FAM20B: variants seen among roughly 807,000 people sequenced by gnomAD.
FAM20B encodes glycosaminoglycan xylosylkinase.
A neutral mutation model predicts 43.8 loss-of-function variants in FAM20B; 23 were observed. That is an observed-to-expected ratio of 0.53 (90% CI 0.38 to 0.74). The LOEUF is 0.74. FAM20B is among the 30% of genes least tolerant of loss of function. The probability of loss-of-function intolerance (pLI) is 0.00; values close to 1 mark genes in which losing one functional copy is unlikely to be tolerated. For missense variants in FAM20B, 440 were observed against 510.5 expected (o/e 0.86, Z 1.33); for synonymous variants, 178 against 192.4 (o/e 0.93, Z 0.62).
At chr1:179,048,604 C>T (rs980109725) in intron 2 of FAM20B, among the ~76,000 whole-genome samples, 4 of 152,152 alleles carry the variant, frequency 2.6e-5, no homozygotes, top group African/African-American at 7.2e-5. Flanking sequence ...TAGAACAGTA[C>T]CTGAATAGTG....
intron 1 of FAM20B, among the ~76,000 whole-genome samples, chr1:179,036,035 C>T (rs2102487446): frequency 6.6e-6 from 1 of 152,260 alleles, no homozygotes; most frequent in Admixed American, 6.5e-5. Flanking sequence ...GAGGCTGAGG[C>T]AGGACAATCG....
intron 7 of FAM20B, among the ~76,000 whole-genome samples, chr1:179,069,442 C>G (rs377287654): frequency 6.6e-6 from 1 of 152,184 alleles, no homozygotes; most frequent in East Asian, 1.9e-4. Context: ...ACGATCTCGG[C>G]TCACTGCAAC....
intron 1 of FAM20B, among the ~76,000 whole-genome samples, chr1:179,039,885 C>T (rs894856227): frequency 3.9e-5 from 6 of 152,148 alleles, no homozygotes; most frequent in African/African-American, 2.4e-5. Flanking sequence ...TGCGGCCTTC[C>T]GCAGTGTTTG....
At chr1:179,071,200 G>T (rs1651909336) in intron 7 of FAM20B, among the ~76,000 whole-genome samples, 1 of 151,960 alleles carries the variant, frequency 6.6e-6, no homozygotes, top group African/African-American at 2.4e-5. Context: ...GGAGGCTGAG[G>T]CAGGAGAATG....
chr1:179,059,466 CTCA>C (rs773346047), intron 4 of FAM20B, among the ~76,000 whole-genome samples: 2 of 152,096 alleles, frequency 1.3e-5, no homozygotes, highest in Non-Finnish European at 2.9e-5. Flanking sequence ...GTCTTGCAAT[CTCA>C]TCATTAAACT....
At chr1:179,038,162 A>T (rs1432476976) in intron 1 of FAM20B, among the ~76,000 whole-genome samples, 1 of 152,068 alleles carries the variant, frequency 6.6e-6, no homozygotes, top group East Asian at 1.9e-4. Context: ...TAATCCCAGC[A>T]CTTTGGGAGG....
intron 3 of FAM20B, among the ~76,000 whole-genome samples, chr1:179,052,571 T>C (rs1195991682): frequency 6.6e-6 from 1 of 152,238 alleles, no homozygotes; most frequent in Non-Finnish European, 1.5e-5. Flanking sequence ...AAGACATTTC[T>C]AGGAACTACC....
At chr1:179,051,258 T>G (rs1650995277) in intron 3 of FAM20B, among the ~76,000 whole-genome samples, 1 of 152,166 alleles carries the variant, frequency 6.6e-6, no homozygotes, top group African/African-American at 2.4e-5. Flanking sequence ...TCCCAGTTAC[T>G]CTGCTGACCA....
intron 4 of FAM20B, among the ~76,000 whole-genome samples, chr1:179,055,991 G>A (rs1021254479): frequency 6.6e-6 from 1 of 152,176 alleles, no homozygotes; most frequent in Admixed American, 6.5e-5. Flanking sequence ...TTTTAGAGCA[G>A]CTTTAGGTTC....
intron 4 of FAM20B, among the ~76,000 whole-genome samples, chr1:179,063,111 T>C (rs531739113): frequency 6.6e-6 from 1 of 152,264 alleles, no homozygotes; most frequent in East Asian, 1.9e-4. Context: ...ACCCTGTCTC[T>C]ACTACAAATA....
At chr1:179,021,523 T>C (rs1331802434), upstream of FAM20B, among the ~76,000 whole-genome samples, 1 of 152,184 alleles carries the variant, frequency 6.6e-6, no homozygotes, top group Non-Finnish European at 1.5e-5. Context: ...CTGAAGCGTA[T>C]ATGCCACAAC....
chr1:179,035,620 G>T, intron 1 of FAM20B: 1 of 475,044 alleles, frequency 2.1e-6, no homozygotes, highest in South Asian at 2.3e-5. Flanking sequence ...GGCCCTTTTT[G>T]ACATGACTTT....
chr1:179,040,664 T>TC (rs1291744131), intron 1 of FAM20B, among the ~76,000 whole-genome samples: 1 of 101,946 alleles, frequency 9.8e-6, no homozygotes, highest in Non-Finnish European at 1.9e-5. Context: ...CGGGCGCTGA[T>TC]CCCCCCACCT....
intron 1 of FAM20B, among the ~76,000 whole-genome samples, chr1:179,030,965 C>A (rs552204360): frequency 6.6e-6 from 1 of 152,012 alleles, no homozygotes; most frequent in Non-Finnish European, 1.5e-5. Flanking sequence ...GCCACCTAGC[C>A]ATAATTTCAG....
At chr1:179,032,976 A>C (rs555410081) in intron 1 of FAM20B, among the ~76,000 whole-genome samples, 1 of 152,368 alleles carries the variant, frequency 6.6e-6, no homozygotes, top group Non-Finnish European at 1.5e-5. Flanking sequence ...AACCATCAGT[A>C]GAGACATTTA....
At chr1:179,038,519 G>A (rs1650347794) in intron 1 of FAM20B, among the ~76,000 whole-genome samples, 1 of 152,138 alleles carries the variant, frequency 6.6e-6, no homozygotes, top group African/African-American at 2.4e-5. Context: ...TGCCAGAATT[G>A]TATTGCATTT....
In FAM20B at chr1:179,064,072, G is replaced by A. The variant is rs1330460574; in HGVS notation, c.720G>A (p.Arg240=). 14 of 1,610,742 alleles carry A rather than the reference G, an allele frequency of 8.7e-6. No individual in the cohort carries two copies. In the Admixed American group the frequency reaches 2.2e-4, roughly 25 times the overall value. ...PLQKHRHPWG[R]TYREGKLARW... is the part of the protein sequence containing the mutation. ...AGAAGCACCGTCACCCATGGGGCAG[G>A]ACTTACCGAGAAGGCAAATTGGCCA... The change falls in exon 5 of 8, where the codon AGG becomes AGA. Residue 240 remains arginine (R), a synonymous_variant. Transcript: ENST00000263733.
intron 3 of FAM20B, 111 bp from the exon 4 acceptor site, chr1:179,054,418 T>C: frequency 1.6e-6 from 1 of 620,286 alleles, no homozygotes; most frequent in South Asian, 2.2e-5. Flanking sequence ...GTTTAGCTAC[T>C]AGCTAAAAAC....
chr1:179,027,973 C>T (rs1481283380), intron 1 of FAM20B, among the ~76,000 whole-genome samples: 1 of 151,902 alleles, frequency 6.6e-6, no homozygotes, highest in African/African-American at 2.4e-5. Flanking sequence ...CCTTGATTTC[C>T]ATTTGTAGAT....
Sources: allele counts gnomAD v4.1 joint callset (sites outside exome capture counted in the v4.1 genomes callset), GRCh38; gene constraint gnomAD v4.1.1; transcripts MANE v1.5; gene names NCBI Gene and HGNC (gene_info 2026-07-23, HGNC 2026-07-21).